SLC19A3: variants seen among roughly 807,000 people sequenced by gnomAD.
SLC19A3 encodes the protein thiamine transporter 2.
A neutral mutation model predicts 40.2 loss-of-function variants in SLC19A3; 31 were observed. That is an observed-to-expected ratio of 0.77 (90% CI 0.58 to 1.04). The LOEUF (loss-of-function observed/expected upper bound fraction) is 1.04, where lower values mean the gene tolerates loss of function less well. Ranked by LOEUF, SLC19A3 falls within the 50% of genes least tolerant of loss-of-function variation. The probability of loss-of-function intolerance (pLI) is 0.00; values close to 1 mark genes in which losing one functional copy is unlikely to be tolerated. For missense variants in SLC19A3, 592 were observed against 596.7 expected, an observed-to-expected ratio of 0.99 and a Z score of 0.08; for synonymous variants, 212 against 227.5, an observed-to-expected ratio of 0.93 and a Z score of 0.61.
chr2:227,687,252 G>A lies in SLC19A3; in HGVS notation c.*145C>T. On this transcript the variant is annotated 3_prime_UTR_variant, in exon 6 of 6. Coordinates refer to ENST00000644224, the MANE Select transcript of SLC19A3 (RefSeq NM_025243.4). ...ACATAGAGAACTCATCTAAAACTGAGGTTTTGTTGTGGTTTTGAAAGGTCC... is the reference window on the plus strand; with the variant it reads ...ACATAGAGAACTCATCTAAAACTGAAGTTTTGTTGTGGTTTTGAAAGGTCC... 1.3e-6 allele frequency: 1 copy of A among 780,126 alleles called. No homozygotes were observed. Among genetic ancestry groups the A allele is most frequent in the East Asian group, 2.6e-5 (1 of 38,982 alleles). The allele number at this position is 780,126 out of a possible 1,614,324, so 48.3% of individuals were successfully genotyped here.
intron 4 of SLC19A3, among the ~76,000 whole-genome samples, chr2:227,693,183 A>C (rs367691206): frequency 5.1e-4 from 78 of 151,958 alleles, no homozygotes; most frequent in African/African-American, 1.8e-3. Flanking sequence ...TCTTCACAGA[A>C]ATAGAAAAAG....
intron 1 of SLC19A3, among the ~76,000 whole-genome samples, chr2:227,707,523 C>A (rs1167998941): frequency 6.6e-6 from 1 of 151,824 alleles, no homozygotes; most frequent in Non-Finnish European, 1.5e-5. Context: ...GCGGAGGTTG[C>A]AATGAGCTGA....
intron 1 of SLC19A3, among the ~76,000 whole-genome samples, chr2:227,707,599 A>G (rs998024141): frequency 1.3e-5 from 2 of 148,734 alleles, no homozygotes; most frequent in African/African-American, 4.9e-5. Flanking sequence ...TATACAATAA[A>G]ATAAAATATA....
intron 1 of SLC19A3, among the ~76,000 whole-genome samples, chr2:227,707,775 T>C (rs1696001235): frequency 6.6e-6 from 1 of 152,186 alleles, no homozygotes; most frequent in Non-Finnish European, 1.5e-5. Context: ...TTGCCCAGGC[T>C]GGAGTCCAGT....
At chr2:227,706,089 A>C (rs928135986) in intron 1 of SLC19A3, among the ~76,000 whole-genome samples, 4 of 151,830 alleles carry the variant, frequency 2.6e-5, no homozygotes, top group African/African-American at 9.7e-5. Flanking sequence ...AAATATGAAC[A>C]CATGTCCCTT....
At chr2:227,708,189 T>TC (rs908147154) in intron 1 of SLC19A3, among the ~76,000 whole-genome samples, 2 of 152,200 alleles carry the variant, frequency 1.3e-5, no homozygotes, top group African/African-American at 4.8e-5. Flanking sequence ...CTCTTAGTTT[T>TC]CTTTTTTTTA....
In SLC19A3 at chr2:227,687,342, CT is replaced by C; in HGVS notation, c.*54del. ...AAACATATGCCACCCATCTCAAAAT[CT>C]TTCCTTATTATTGCATAACTTTGAA... On this transcript the variant is annotated 3_prime_UTR_variant, in exon 6 of 6. Transcript: ENST00000644224. The C allele has an allele frequency of 6.5e-7, 1 of 1,536,472 alleles. No homozygotes were observed. Among genetic ancestry groups the C allele is most frequent in the South Asian group, 1.2e-5 (1 of 81,346 alleles).
At chr2:227,708,741 T>C (rs138526058) in intron 1 of SLC19A3, among the ~76,000 whole-genome samples, 2 of 152,344 alleles carry the variant, frequency 1.3e-5, no homozygotes, top group East Asian at 3.9e-4. Flanking sequence ...GCAAGATAAG[T>C]TCATTTGTCA....
rs535416049 is a variant in SLC19A3, at chr2:227,709,357, C to T, written c.-2-7037G>A. ...AAAATTAGCCAGGCATGGTGGCGGG[C>T]ACCTGTAATTCCAGCTACTTGGCAG... On this transcript the variant is annotated intron_variant, in intron 1 of 5. Coordinates refer to ENST00000644224, the MANE Select transcript of SLC19A3 (RefSeq NM_025243.4). Among the ~76,000 whole-genome samples the T allele has an allele frequency of 8.3e-4, 126 of 152,164 alleles. 1 individual carries two copies. The highest frequency in any genetic ancestry group is 6.8e-3 in the Middle Eastern group (2 of 294).
intron 1 of SLC19A3, among the ~76,000 whole-genome samples, chr2:227,710,781 A>G (rs1198567264): frequency 6.6e-6 from 1 of 152,190 alleles, no homozygotes; most frequent in African/African-American, 2.4e-5. Flanking sequence ...TAGCTTAAAG[A>G]CCAAATACAT....
rs1328539578 is a variant in SLC19A3, at chr2:227,686,237, C to T, written c.*1160G>A. On this transcript the variant is annotated 3_prime_UTR_variant, in exon 6 of 6. Coordinates refer to ENST00000644224, the MANE Select transcript of SLC19A3 (RefSeq NM_025243.4). ...AAAATCAGGTGTTTTATTCCACTCC[C>T]CCCATCAGTGTTTTCTTATTTCTAA... is the stretch of plus-strand genomic sequence containing the variant. The T allele has an allele frequency of 2.7e-6, 1 of 371,826 alleles. No homozygotes were observed. The highest frequency in any genetic ancestry group is 2.1e-5 in the African/African-American group (1 of 46,882). 23.0% of individuals were successfully genotyped at this position (371,826 alleles called of 1,614,324 possible).
At chr2:227,706,104 A>G (rs2106336968) in intron 1 of SLC19A3, among the ~76,000 whole-genome samples, 1 of 152,254 alleles carries the variant, frequency 6.6e-6, no homozygotes, top group South Asian at 2.1e-4. Context: ...TCCCTTATAA[A>G]CATAGTAACC....
rs949619757 is a variant in SLC19A3 at position 227,702,072 on chromosome 2, G to A, written c.150+97C>T. Reference sequence around the variant, plus strand: ...AAATCAGGCTCACTGAGTTTAATGTGTTCATCTTATATCAAGTTGAGGGAA... The same window carrying A: ...AAATCAGGCTCACTGAGTTTAATGTATTCATCTTATATCAAGTTGAGGGAA... On this transcript the variant is annotated intron_variant, in intron 2 of 5. Transcript: ENST00000644224. The A allele has an allele frequency of 3.7e-5, 36 of 973,552 alleles. No individual in the cohort carries two copies. The African/African-American group carries it at 5.2e-4, about 14-fold the overall frequency. 60.3% of individuals were successfully genotyped at this position (973,552 alleles called of 1,614,324 possible).
In SLC19A3 at chr2:227,696,546, A is replaced by G. The variant is rs545435615; in HGVS notation, c.980-465T>C. Among the ~76,000 whole-genome samples the G allele has an allele frequency of 2.0e-5, 3 of 152,278 alleles. No homozygotes were observed. The East Asian group carries it at 5.8e-4, about 29-fold the overall frequency. On this transcript the variant is annotated intron_variant, in intron 3 of 5. Coordinates refer to ENST00000644224, the MANE Select transcript of SLC19A3 (RefSeq NM_025243.4). ...TGAGTATCAGATGTGTTACATTGAAAGTTTTAGTCTTTTTTCTTGCCCTAC... is the reference window on the plus strand; with the variant it reads ...TGAGTATCAGATGTGTTACATTGAAGGTTTTAGTCTTTTTTCTTGCCCTAC...
Position 227,695,903 on chromosome 2 carries a change from A to G in SLC19A3, c.1158T>C (p.Leu386=), listed in dbSNP as rs1388110111. The G allele has an allele frequency of 6.2e-7, 1 of 1,614,062 alleles. No homozygotes were observed. The highest frequency in any genetic ancestry group is 8.5e-7 in the Non-Finnish European group (1 of 1,180,052). Reference sequence around the variant, plus strand: ...GTAAAACTTACACTGCTATGGTTATAAGAAGCATATAGCTGGACTTGAATA... The same window carrying G: ...GTAAAACTTACACTGCTATGGTTATGAGAAGCATATAGCTGGACTTGAATA... ...YLIFKSSYML[L]ITIAVFQIAV... Residue 386 remains leucine, a synonymous_variant, in exon 4 of 6, where the codon CTT becomes CTC. Transcript: ENST00000644224.
chr2:227,688,193 T>A lies in SLC19A3; in HGVS notation c.1287A>T (p.Arg429Ser). 1 of 1,614,124 alleles carries A rather than the reference T, an allele frequency of 6.2e-7. No homozygotes were observed. Among genetic ancestry groups the A allele is most frequent in the South Asian group, 1.1e-5 (1 of 91,082 alleles). Residue 429 changes from arginine to serine, a missense_variant, in exon 5 of 6, where the codon AGA becomes AGT. Physicochemically the swap from Arg to Ser is moderately radical, Grantham distance 110 (BLOSUM62 -1). Coordinates refer to ENST00000644224, the MANE Select transcript of SLC19A3 (RefSeq NM_025243.4). ...TIMTVIVVDQRGLNLPVSIQF... is the reference protein window; with the variant it reads ...TIMTVIVVDQSGLNLPVSIQF... Reference sequence around the variant, plus strand: ...GAATGCTGACTGGCAAGTTGAGCCCTCTCTGATCTACTACAATCACAGTCA... The same window carrying A: ...GAATGCTGACTGGCAAGTTGAGCCCACTCTGATCTACTACAATCACAGTCA...
chr2:227,690,477 G>T (rs918797292), intron 4 of SLC19A3, among the ~76,000 whole-genome samples: 3 of 151,970 alleles, frequency 2.0e-5, no homozygotes, highest in Non-Finnish European at 4.4e-5. Flanking sequence ...GGAGGCCGAG[G>T]TGGGCAGATC....
At chr2:227,709,116 C>T (rs1291730782) in intron 1 of SLC19A3, among the ~76,000 whole-genome samples, 1 of 152,156 alleles carries the variant, frequency 6.6e-6, no homozygotes, top group East Asian at 1.9e-4. Context: ...TACTTAAAAG[C>T]CCTATGTCCA....
chr2:227,687,766 C>T (rs904591403), intron 5 of SLC19A3, among the ~76,000 whole-genome samples, 193 bp from the exon 6 acceptor site: 11 of 152,086 alleles, frequency 7.2e-5, no homozygotes, highest in South Asian at 2.1e-4. Context: ...GTAAGCAATA[C>T]GGTGACTAAG....
Sources: gnomAD v4.1 joint callset for allele counts (sites outside exome capture counted in the v4.1 genomes callset) on GRCh38, gnomAD v4.1.1 for gene constraint, MANE v1.5 for transcripts, NCBI Gene and HGNC (gene_info 2026-07-23, HGNC 2026-07-21) for gene names.